The following RTL9 variants were observed in gnomAD, a reference collection of about 807,000 sequenced individuals.
RTL9 encodes the protein retrotransposon Gag-like protein 9.
A neutral mutation model predicts 44.7 loss-of-function variants in RTL9; 19 were observed. That is an observed-to-expected ratio of 0.42 (90% CI 0.30 to 0.62). The LOEUF (loss-of-function observed/expected upper bound fraction) is 0.62, where lower values mean the gene tolerates loss of function less well. RTL9 is among the 20% of genes least tolerant of loss of function. The pLI is 0.16. For missense variants in RTL9, 1,105 were observed against 1,080.6 expected, an observed-to-expected ratio of 1.02 and a Z score of -0.32; for synonymous variants, 407 against 398.9, an observed-to-expected ratio of 1.02 and a Z score of -0.24.
chrX:110,381,901 G>C (rs900379162), intron 1 of RTL9, among the ~76,000 whole-genome samples: 6 of 110,805 alleles, frequency 5.4e-5, no homozygotes, highest in African/African-American at 2.0e-4. Flanking sequence ...AGACATTAAG[G>C]ACTCCAAAAA....
chrX:110,380,199 A>C (rs974583478), intron 1 of RTL9, among the ~76,000 whole-genome samples: 2 of 111,936 alleles, frequency 1.8e-5, no homozygotes, highest in African/African-American at 6.5e-5. Flanking sequence ...GTAGGAATTA[A>C]GGTTGCAAAA....
chrX:110,364,835 AG>A (rs1397119774), intron 1 of RTL9, among the ~76,000 whole-genome samples: 1 of 112,295 alleles, frequency 8.9e-6, no homozygotes, highest in East Asian at 2.8e-4. Flanking sequence ...AAGAGCTTAC[AG>A]GGGGAATTTT....
At chrX:110,407,947 C>G (rs2068614312) in intron 1 of RTL9, among the ~76,000 whole-genome samples, 1 of 112,365 alleles carries the variant, frequency 8.9e-6, no homozygotes, top group Non-Finnish European at 1.9e-5. Context: ...CGGCCTGGGT[C>G]TGTGGGTGAT....
chrX:110,411,740 G>A lies in RTL9; in HGVS notation c.-167-33413G>A, dbSNP rs140923656. On this transcript the variant is annotated intron_variant, in intron 1 of 2. Coordinates refer to the RTL9 transcript ENST00000520821. ...TATTCAGAATACTCCACCAGCTCCA[G>A]TGTAAGAAGTGCATTATTTTCTTTA... Among the ~76,000 whole-genome samples, 390 of 112,424 alleles carry A rather than the reference G, an allele frequency of 3.5e-3. 4 individuals are homozygous for A. The highest frequency in any genetic ancestry group is 0.012 in the African/African-American group (357 of 30,966).
intron 1 of RTL9, among the ~76,000 whole-genome samples, chrX:110,431,740 C>T (rs956138884): frequency 8.9e-6 from 1 of 111,839 alleles, no homozygotes; most frequent in Non-Finnish European, 1.9e-5. Flanking sequence ...CTTTCTCATA[C>T]GCCCTTGACA....
At chrX:110,428,601 C>G (rs997124705) in intron 1 of RTL9, among the ~76,000 whole-genome samples, 10 of 111,157 alleles carry the variant, frequency 9.0e-5, no homozygotes, top group Middle Eastern at 4.7e-3. Context: ...TCTGAACACT[C>G]CCCCCCTCTC....
chrX:110,403,385 G>A (rs181097803), intron 1 of RTL9, among the ~76,000 whole-genome samples: 4 of 112,471 alleles, frequency 3.6e-5, no homozygotes, highest in African/African-American at 1.3e-4. Flanking sequence ...CACTGAAAGT[G>A]GACTTGACCT....
At chrX:110,409,189 CT>C (rs987456001) in intron 1 of RTL9, among the ~76,000 whole-genome samples, 47 of 106,524 alleles carry the variant, frequency 4.4e-4, no homozygotes, top group African/African-American at 1.3e-3. Flanking sequence ...GAGATGGGGA[CT>C]TTTTTTTTTG....
At chrX:110,395,674 TGTGC>T (rs1215478416) in intron 1 of RTL9, among the ~76,000 whole-genome samples, 2 of 111,519 alleles carry the variant, frequency 1.8e-5, no homozygotes, top group African/African-American at 6.5e-5. Flanking sequence ...ATCCTAATCC[TGTGC>T]GTGTTTGAAG....
At chrX:110,448,232 C>T (rs757225656), upstream of RTL9, among the ~76,000 whole-genome samples, 95 of 110,930 alleles carry the variant, frequency 8.6e-4, 4 homozygotes, top group South Asian at 1.6e-3. Context: ...CCTCCCAAAC[C>T]CTCTTTCCCT....
At position 110,370,069 on chromosome X, in the gene RTL9, T is replaced by C. The variant is rs150713010; in HGVS notation, c.-168+11153T>C. Among the ~76,000 whole-genome samples, 365 of 111,698 alleles carry C rather than the reference T, an allele frequency of 3.3e-3. 4 individuals are homozygous for C. The highest frequency in any genetic ancestry group is 0.011 in the African/African-American group (348 of 30,766). On this transcript the variant is annotated intron_variant, in intron 1 of 2. Coordinates refer to the RTL9 transcript ENST00000520821. ...CCTTCCTGAAACACCTACCCTTTAG[T>C]CCTAATTCCACTGTTTGGAGCAGTT... is the stretch of plus-strand genomic sequence containing the variant.
chrX:110,426,003 C>T (rs745942459), intron 1 of RTL9, among the ~76,000 whole-genome samples: 1 of 107,857 alleles, frequency 9.3e-6, no homozygotes, highest in East Asian at 2.9e-4. Context: ...CACACAAACG[C>T]ACACACACAC....
At chrX:110,434,919 G>C (rs1027658562) in intron 1 of RTL9, among the ~76,000 whole-genome samples, 2 of 109,236 alleles carry the variant, frequency 1.8e-5, no homozygotes, top group Non-Finnish European at 1.9e-5. Context: ...ACACCAGCCC[G>C]GAGTGAGAAG....
chrX:110,447,570 TA>T (rs1371584255), upstream of RTL9, among the ~76,000 whole-genome samples: 2 of 110,320 alleles, frequency 1.8e-5, no homozygotes, highest in South Asian at 3.9e-4. Flanking sequence ...ATCTGGGATT[TA>T]AAAAAAATTA....
intron 1 of RTL9, among the ~76,000 whole-genome samples, chrX:110,421,442 C>T (rs1447320307): frequency 8.9e-6 from 1 of 112,450 alleles, no homozygotes; most frequent in African/African-American, 3.2e-5. Flanking sequence ...AGATAAGTCA[C>T]GGGTCAGAGT....
chrX:110,425,837 T>C (rs1428341715), intron 1 of RTL9, among the ~76,000 whole-genome samples: 4 of 112,889 alleles, frequency 3.5e-5, no homozygotes, highest in African/African-American at 6.4e-5. Flanking sequence ...CTATATTTAA[T>C]GAATGTCTGT....
intron 1 of RTL9, among the ~76,000 whole-genome samples, chrX:110,419,878 A>G (rs775763176): frequency 3.6e-4 from 40 of 112,467 alleles, no homozygotes; most frequent in Non-Finnish European, 6.6e-4. Flanking sequence ...GGTATTTACT[A>G]TGTGCCAGGA....
At chrX:110,455,029 T>C (rs2068972380) in intron 1 of RTL9, among the ~76,000 whole-genome samples, 173 bp from the exon 4 acceptor site, 1 of 111,525 alleles carries the variant, frequency 9.0e-6, no homozygotes. Context: ...ACATGTGTTG[T>C]GGAGTCAGGT....
intron 1 of RTL9, among the ~76,000 whole-genome samples, chrX:110,439,340 T>C (rs1035080367): frequency 8.9e-6 from 1 of 112,335 alleles, no homozygotes; most frequent in Non-Finnish European, 1.9e-5. Context: ...ATTCGTGGGA[T>C]AGCGTGGAGC....
Sources: gnomAD v4.1 joint callset for allele counts (sites outside exome capture counted in the v4.1 genomes callset) on GRCh38, gnomAD v4.1.1 for gene constraint, MANE v1.5 for transcripts, NCBI Gene and HGNC (gene_info 2026-07-23, HGNC 2026-07-21) for gene names.